The following FBXL2 variants were observed in gnomAD, a reference collection of about 807,000 sequenced individuals.
FBXL2 encodes F-box/LRR-repeat protein 2.
Under a neutral mutation model 69.2 loss-of-function variants are expected in FBXL2, and 38 were observed. The ratio of observed to expected loss-of-function variants is 0.55; its 90% CI spans 0.42 to 0.72. The LOEUF (loss-of-function observed/expected upper bound fraction) is 0.72. FBXL2 is among the 30% of genes least tolerant of loss of function. The pLI, the probability that FBXL2 is intolerant of heterozygous loss-of-function variation, is 0.00. For missense variants in FBXL2, 354 were observed against 520.3 expected, an observed-to-expected ratio of 0.68 and a Z score of 3.11; for synonymous variants, 192 against 201.3, an observed-to-expected ratio of 0.95 and a Z score of 0.39.
the FBXL2 span, chr3:33,409,291 G>T: frequency 3.1e-6 from 5 of 1,613,960 alleles, no homozygotes; most frequent in Admixed American, 5.0e-5. Flanking sequence ...TTCATGAGCT[G>T]TTCTCTTCTC....
At chr3:33,335,948 T>A (rs1238744481) in intron 2 of FBXL2, among the ~76,000 whole-genome samples, 1 of 152,180 alleles carries the variant, frequency 6.6e-6, no homozygotes, top group Non-Finnish European at 1.5e-5. Context: ...GTTTAAGACC[T>A]AAAAAATGTT....
At chr3:33,297,792 T>C in intron 2 of FBXL2, 67 bp downstream of exon 2, 1 of 954,738 alleles carries the variant, frequency 1.0e-6, no homozygotes, top group East Asian at 2.4e-5. Context: ...CAAGACTATC[T>C]TCTTTCTCAC....
intron 12 of FBXL2, among the ~76,000 whole-genome samples, chr3:33,394,940 A>G (rs1222480256): frequency 6.6e-6 from 1 of 151,624 alleles, no homozygotes; most frequent in Non-Finnish European, 1.5e-5. Flanking sequence ...CCTATGTATG[A>G]TCTAAAGAGA....
intron 2 of FBXL2, among the ~76,000 whole-genome samples, chr3:33,319,150 A>G (rs1016262239): frequency 5.3e-5 from 8 of 152,216 alleles, no homozygotes; most frequent in Non-Finnish European, 1.0e-4. Context: ...TATCTTGTTC[A>G]AATTTTACAA....
At chr3:33,412,581 C>CAAA in the FBXL2 span, 14 of 500,794 alleles carry the variant, frequency 2.8e-5, no homozygotes, top group Non-Finnish European at 4.2e-5. Flanking sequence ...GGCTCTGTCT[C>CAAA]AAAAAAAAAA....
chr3:33,342,389 TAAAG>T (rs927513466), intron 2 of FBXL2, among the ~76,000 whole-genome samples: 17 of 151,518 alleles, frequency 1.1e-4, no homozygotes, highest in African/African-American at 2.9e-4. Flanking sequence ...TTATGAATGA[TAAAG>T]AAGAAAAAAC....
Position 33,387,658 on chromosome 3 carries a change from A to G in FBXL2, c.*2050A>G, listed in dbSNP as rs942095153. 6.6e-6 allele frequency: 1 copy of G among 152,280 alleles called. No individual in the cohort carries two copies. The highest frequency in any genetic ancestry group is 1.5e-5 in the Non-Finnish European group (1 of 68,158). 9.4% of individuals were successfully genotyped at this position (152,280 alleles called of 1,614,324 possible). A position where few individuals can be genotyped will look rare whatever the true frequency, so the allele number is the denominator to read the frequency against. On this transcript the variant is annotated 3_prime_UTR_variant, in exon 15 of 15. Coordinates refer to ENST00000484457, the MANE Select transcript of FBXL2 (RefSeq NM_012157.5). ...ACAAAACAAACCACCAGAGCCTTCT[A>G]TACATGATTGATTTCTTTTGAGCCA...
At chr3:33,318,714 C>G (rs2037921395) in intron 2 of FBXL2, among the ~76,000 whole-genome samples, 1 of 144,744 alleles carries the variant, frequency 6.9e-6, no homozygotes, top group South Asian at 2.3e-4. Context: ...GCATATACAT[C>G]TAATTTTTTA....
chr3:33,416,630 C>T, the FBXL2 span: 2 of 683,590 alleles, frequency 2.9e-6, no homozygotes, highest in Admixed American at 7.0e-5. Flanking sequence ...GGTGAATAAA[C>T]AAAATATAGC....
intron 2 of FBXL2, among the ~76,000 whole-genome samples, chr3:33,336,349 T>G (rs185052532): frequency 6.6e-5 from 10 of 152,232 alleles, no homozygotes; most frequent in Non-Finnish European, 1.2e-4. Flanking sequence ...AAGGATGACC[T>G]TTCAGTAAAA....
intron 1 of FBXL2, 47 bp downstream of exon 1, chr3:33,277,562 CCGG>C: frequency 7.9e-7 from 1 of 1,262,190 alleles, no homozygotes; most frequent in East Asian, 3.1e-5. Flanking sequence ...CCTACCCCTA[CCGG>C]GCTGGGTCCG....
chr3:33,348,249 C>T (rs1302623599), intron 2 of FBXL2, among the ~76,000 whole-genome samples: 6 of 152,074 alleles, frequency 3.9e-5, no homozygotes, highest in African/African-American at 1.4e-4. Flanking sequence ...TATGGATATC[C>T]AGTTTTCCCA....
At position 33,373,123 on chromosome 3, in the gene FBXL2, C is replaced by A. The variant is rs866060137; in HGVS notation, c.322C>A (p.His108Asn). The A allele has an allele frequency of 1.2e-6, 2 of 1,614,082 alleles. No homozygotes were observed. The highest frequency in any genetic ancestry group is 2.7e-5 in the African/African-American group (2 of 74,932). The change falls in exon 6 of 15, where the codon CAT becomes AAT. Residue 108 changes from histidine (H) to asparagine (N), a missense_variant. Transcript: ENST00000484457. ...TGCACAGAACTGCCGAAACATTGAA[C>A]ATTTGAACCTCAATGGATGCACAAA... ...TFAQNCRNIE[H>N]LNLNGCTKIT...
At chr3:33,400,971 G>T in intron 12 of FBXL2, 1 of 1,595,666 alleles carries the variant, frequency 6.3e-7, no homozygotes, top group Non-Finnish European at 8.5e-7. Context: ...CTTCACCAGA[G>T]GTCTGTGAAG....
At chr3:33,337,865 A>G (rs2039712927) in intron 2 of FBXL2, among the ~76,000 whole-genome samples, 1 of 152,224 alleles carries the variant, frequency 6.6e-6, no homozygotes, top group South Asian at 2.1e-4. Context: ...ACTGTTCACA[A>G]TAGCCAGAAA....
rs894372016 is a variant in FBXL2, at chr3:33,310,003, G to C, written c.65+12278G>C. On this transcript the variant is annotated intron_variant, in intron 2 of 14. Coordinates refer to ENST00000484457, the MANE Select transcript of FBXL2 (RefSeq NM_012157.5). ...TAACAAGACCTTTTCTCTACAAAAA[G>C]GAAAAAAAAAGTCACATACAAAAAC... is the stretch of plus-strand genomic sequence containing the variant. 1.1e-4 allele frequency among the ~76,000 whole-genome samples: 16 copies of C among 150,848 alleles called. 1 individual carries two copies. Among genetic ancestry groups the C allele is most frequent in the South Asian group, 4.2e-4 (2 of 4,812 alleles).
chr3:33,389,381 G>C (rs564353979), downstream of FBXL2: 3 of 144,012 alleles, frequency 2.1e-5, no homozygotes, highest in African/African-American at 7.8e-5. Flanking sequence ...CTAGTCAGAA[G>C]CTATCAACAA....
the FBXL2 span, among the ~76,000 whole-genome samples, chr3:33,418,286 T>G: frequency 6.6e-6 from 1 of 152,040 alleles, no homozygotes. Context: ...GGGAGCTTCG[T>G]TCTGTCGCCC....
At chr3:33,397,900 G>A (rs2044070441) in intron 12 of FBXL2, 1 of 151,862 alleles carries the variant, frequency 6.6e-6, no homozygotes, top group South Asian at 2.1e-4. Flanking sequence ...TTACATATAA[G>A]TATAAAAAAG....
Sources: allele counts gnomAD v4.1 joint callset (sites outside exome capture counted in the v4.1 genomes callset), GRCh38; gene constraint gnomAD v4.1.1; transcripts MANE v1.5; gene names NCBI Gene and HGNC (gene_info 2026-07-23, HGNC 2026-07-21).